The following ASAP1 variants were observed in gnomAD, a reference collection of about 807,000 sequenced individuals.
The protein encoded by ASAP1 is ArfGAP with SH3 domain, ankyrin repeat and PH domain 1, also known as arf-GAP with SH3 domain, ANK repeat and PH domain-containing protein 1.
Under a neutral mutation model 145.2 loss-of-function variants are expected in ASAP1, and 43 were observed. That is an observed-to-expected ratio of 0.30 (90% confidence interval 0.23 to 0.38). The LOEUF is 0.38. ASAP1 is among the 10% of genes least tolerant of loss of function. The pLI, the probability that ASAP1 is intolerant of heterozygous loss-of-function variation, is 1.00. For missense variants in ASAP1, 1,018 were observed against 1,355.3 expected, an observed-to-expected ratio of 0.75 and a Z score of 3.91; for synonymous variants, 546 against 515.5, an observed-to-expected ratio of 1.06 and a Z score of -0.80.
At chr8:130,331,280 T>G (rs941619203) in intron 3 of ASAP1, among the ~76,000 whole-genome samples, 19 of 152,210 alleles carry the variant, frequency 1.2e-4, no homozygotes, top group African/African-American at 4.1e-4. Context: ...CAATGTCATC[T>G]TGCTCTTAGA....
At chr8:130,188,323 C>T (rs1814884480) in intron 5 of ASAP1, 140 bp from the exon 6 acceptor site, 2 of 676,158 alleles carry the variant, frequency 3.0e-6, no homozygotes, top group African/African-American at 1.8e-5. Flanking sequence ...ATTGAACCTA[C>T]ATGACACCTC....
intron 3 of ASAP1, among the ~76,000 whole-genome samples, chr8:130,306,810 C>G (rs570840762): frequency 1.3e-5 from 2 of 152,236 alleles, no homozygotes; most frequent in Non-Finnish European, 2.9e-5. Flanking sequence ...TTCCCCATCT[C>G]TCTGTCTTAT....
At position 130,118,576 on chromosome 8, in the gene ASAP1, C is replaced by T. The variant is rs755180962; in HGVS notation, c.1707G>A (p.Glu569=). The change falls in exon 19 of 30, where the codon GAG becomes GAA. Residue 569 remains glutamate, a synonymous_variant. Transcript: ENST00000518721. ...CAAGTAAATCCCTGGATTTGATGGC[C>T]TCAAGCAATTCATTTAGTTTAGCTG... The part of the protein sequence containing the change: ...TSSAKLNELL[E]AIKSRDLLAL... 1 of 1,614,050 alleles carries T rather than the reference C, an allele frequency of 6.2e-7. No individual in the cohort carries two copies. The highest frequency in any genetic ancestry group is 8.5e-7 in the Non-Finnish European group (1 of 1,179,994).
At chr8:130,226,774 T>C (rs529825411) in intron 4 of ASAP1, among the ~76,000 whole-genome samples, 1 of 152,224 alleles carries the variant, frequency 6.6e-6, no homozygotes, top group Non-Finnish European at 1.5e-5. Context: ...CACTCTCCTA[T>C]AGCAGAAGCA....
intron 13 of ASAP1, among the ~76,000 whole-genome samples, chr8:130,142,942 G>A (rs959628589): frequency 6.6e-6 from 1 of 152,160 alleles, no homozygotes; most frequent in African/African-American, 2.4e-5. Flanking sequence ...TAAGGAAGAT[G>A]AGCAATGAAA....
In ASAP1 at chr8:130,402,920, GT is replaced by G. The variant is rs869195255; in HGVS notation, c.-27-951del. Among the ~76,000 whole-genome samples, 4 of 100,134 alleles carry G rather than the reference GT, an allele frequency of 4.0e-5. No homozygotes were observed. In the East Asian group the frequency reaches 6.8e-4, roughly 17 times the overall value. The allele number at this position is 100,134 out of a possible 152,430, so 65.7% of individuals were successfully genotyped here. The stretch of plus-strand genomic sequence containing the variant: ...TGAAAGCAGAATAATCTTTTGTGGG[GT>G]TTTTTTTTTTTTAATCTTTTATTAC... On this transcript the variant is annotated intron_variant, in intron 1 of 29. Transcript: ENST00000518721.
chr8:130,188,949 T>G (rs1055071723), intron 5 of ASAP1, among the ~76,000 whole-genome samples: 1 of 152,116 alleles, frequency 6.6e-6, no homozygotes, highest in Admixed American at 6.5e-5. Context: ...TCTCATTTCC[T>G]TTTCACATTT....
intron 1 of ASAP1, among the ~76,000 whole-genome samples, chr8:130,417,000 T>A (rs573162289): frequency 1.3e-5 from 2 of 152,368 alleles, no homozygotes; most frequent in South Asian, 4.1e-4. Flanking sequence ...CACATCTGTG[T>A]ACATTTGCAT....
At chr8:130,214,500 G>A in intron 5 of ASAP1, 56 bp downstream of exon 5, 2 of 1,485,936 alleles carry the variant, frequency 1.3e-6, no homozygotes, top group Non-Finnish European at 1.8e-6. Flanking sequence ...TTCTCTATAT[G>A]ACGTAATATT....
intron 3 of ASAP1, among the ~76,000 whole-genome samples, chr8:130,283,587 GAA>G (rs71304303): frequency 2.9e-4 from 6 of 20,882 alleles, no homozygotes; most frequent in South Asian, 1.7e-3. Context: ...ATCACAGAAA[GAA>G]AAAAAAAAAA....
rs983981520 is a variant in ASAP1 at position 130,159,571 on chromosome 8, C to T, written c.1010+293G>A. Among the ~76,000 whole-genome samples the T allele has an allele frequency of 1.1e-4, 15 of 141,188 alleles. No individual in the cohort carries two copies. In the East Asian group the frequency reaches 2.8e-3, roughly 27 times the overall value. 92.6% of individuals were successfully genotyped at this position (141,188 alleles called of 152,430 possible). A position where few individuals can be genotyped will look rare whatever the true frequency, so the allele number is the denominator to read the frequency against. On this transcript the variant is annotated intron_variant, in intron 12 of 29. Coordinates refer to ENST00000518721, the MANE Select transcript of ASAP1 (RefSeq NM_018482.4). ...CAGGAAAAAAAAAAAAAAAAAAAAG[C>T]GGAGAGGTGGGTGAGTATGAGGTCA...
rs141838140 is a variant in ASAP1, at chr8:130,429,757, C to G, written c.-28+13703G>C. Among the ~76,000 whole-genome samples the G allele has an allele frequency of 1.2e-3, 190 of 152,312 alleles. 1 individual carries two copies. Among genetic ancestry groups the G allele is most frequent in the Non-Finnish European group, 2.4e-3 (165 of 68,040 alleles). On this transcript the variant is annotated intron_variant, in intron 1 of 29. Transcript: ENST00000518721. ...AACTTGTTCCAGAAGGAGAACACCC[C>G]CACTCCCCCGCAACACACACACGTT...
chr8:130,188,723 CAAAAA>C (rs370580190), intron 5 of ASAP1, among the ~76,000 whole-genome samples: 32 of 83,846 alleles, frequency 3.8e-4, no homozygotes, highest in Admixed American at 4.7e-4. Flanking sequence ...GAGACTCTCT[CAAAAA>C]AAAAAAAAAA....
At chr8:130,246,194 A>T (rs1818843661) in intron 3 of ASAP1, among the ~76,000 whole-genome samples, 1 of 152,046 alleles carries the variant, frequency 6.6e-6, no homozygotes, top group Admixed American at 6.6e-5. Context: ...CCCCCATGGG[A>T]AAAGCAGACT....
chr8:130,411,413 G>A (rs757161084), intron 1 of ASAP1, among the ~76,000 whole-genome samples: 13 of 152,182 alleles, frequency 8.5e-5, no homozygotes, highest in Admixed American at 2.0e-4. Flanking sequence ...CTTGCCCCTT[G>A]GTTCTGACAA....
At chr8:130,188,380 A>G (rs1002012541) in intron 5 of ASAP1, among the ~76,000 whole-genome samples, 197 bp from the exon 6 acceptor site, 1 of 152,220 alleles carries the variant, frequency 6.6e-6, no homozygotes, top group Non-Finnish European at 1.5e-5. Context: ...CTGAGGGAAC[A>G]GAGGTGGAGT....
intron 3 of ASAP1, among the ~76,000 whole-genome samples, chr8:130,333,605 AAAAAC>A (rs1197297653): frequency 6.6e-6 from 1 of 152,196 alleles, no homozygotes; most frequent in Non-Finnish European, 1.5e-5. Context: ...ACTCCGTCTC[AAAAAC>A]AAAACAAAAC....
chr8:130,369,169 T>C (rs1827099091), intron 2 of ASAP1, among the ~76,000 whole-genome samples: 1 of 152,272 alleles, frequency 6.6e-6, no homozygotes, highest in African/African-American at 2.4e-5. Context: ...TCTGAAATGC[T>C]TGGGACCAGA....
intron 9 of ASAP1, 136 bp downstream of exon 9, chr8:130,179,128 A>G (rs1032522622): frequency 1.5e-5 from 8 of 536,664 alleles, no homozygotes; most frequent in Admixed American, 3.6e-5. Context: ...TTTCTTATCC[A>G]TTTAGCTGAA....
Sources: gnomAD v4.1 joint callset for allele counts (sites outside exome capture counted in the v4.1 genomes callset) on GRCh38, gnomAD v4.1.1 for gene constraint, MANE v1.5 for transcripts, NCBI Gene and HGNC (gene_info 2026-07-23, HGNC 2026-07-21) for gene names.